SP100: variants seen among roughly 807,000 people sequenced by gnomAD.
SP100 encodes nuclear autoantigen Sp-100.
A neutral mutation model predicts 130.0 loss-of-function variants in SP100; 84 were observed. That is an observed-to-expected ratio of 0.65 (90% CI 0.54 to 0.77). The LOEUF is 0.77. Ranked by LOEUF, SP100 falls within the 30% of genes least tolerant of loss-of-function variation. The pLI is 0.00. For synonymous variants in SP100, 331 were observed against 351.7 expected (o/e 0.94, Z 0.66); for missense variants, 978 against 1,052.2 (o/e 0.93, Z 0.97).
At chr2:230,517,216 C>G (rs1182214524) in intron 24 of SP100, among the ~76,000 whole-genome samples, 1 of 151,632 alleles carries the variant, frequency 6.6e-6, no homozygotes, top group Non-Finnish European at 1.5e-5. Context: ...AAATTTTAGG[C>G]CAAAAAAACA....
At chr2:230,419,868 G>C (rs149195688) in intron 2 of SP100, among the ~76,000 whole-genome samples, 11 of 152,172 alleles carry the variant, frequency 7.2e-5, no homozygotes, top group Non-Finnish European at 1.5e-4. Flanking sequence ...ATGAATTTGC[G>C]TTGGTGACCC....
intron 7 of SP100, 112 bp from the exon 8 acceptor site, chr2:230,450,060 G>A (rs1171540583): frequency 2.7e-6 from 2 of 731,026 alleles, no homozygotes; most frequent in African/African-American, 3.5e-5. Flanking sequence ...TGCAGACAGG[G>A]GTATAAGTAG....
intron 2 of SP100, among the ~76,000 whole-genome samples, chr2:230,441,285 G>A (rs1024410267): frequency 2.0e-5 from 3 of 152,152 alleles, no homozygotes; most frequent in African/African-American, 7.2e-5. Flanking sequence ...ACACTGGAAT[G>A]GCTAAAACTA....
chr2:230,523,873 C>A (rs1378849032), intron 24 of SP100, among the ~76,000 whole-genome samples: 1 of 151,482 alleles, frequency 6.6e-6, no homozygotes, highest in Admixed American at 6.6e-5. Flanking sequence ...CATGCCATTG[C>A]ACTGTAGCCT....
chr2:230,442,873 T>C, intron 2 of SP100, 64 bp from the exon 3 acceptor site: 1 of 1,422,014 alleles, frequency 7.0e-7, no homozygotes, highest in Non-Finnish European at 9.8e-7. Flanking sequence ...TGTAAACTCT[T>C]ACAGCCTCCA....
intron 2 of SP100, among the ~76,000 whole-genome samples, chr2:230,422,039 T>C (rs2062782591): frequency 6.6e-6 from 1 of 152,082 alleles, no homozygotes; most frequent in African/African-American, 2.4e-5. Context: ...TTCTTGAAAA[T>C]CTTATATGTC....
chr2:230,437,283 T>A (rs1189784934), intron 2 of SP100, among the ~76,000 whole-genome samples: 2 of 152,166 alleles, frequency 1.3e-5, no homozygotes, highest in Non-Finnish European at 2.9e-5. Context: ...ACTATTTTTT[T>A]GTTTCATTCA....
chr2:230,493,456 A>G (rs947521275), intron 17 of SP100, among the ~76,000 whole-genome samples: 4 of 152,114 alleles, frequency 2.6e-5, no homozygotes, highest in Admixed American at 2.6e-4. Context: ...AGCTCAGGTG[A>G]TCCACCTGCC....
intron 8 of SP100, among the ~76,000 whole-genome samples, chr2:230,458,975 G>T (rs1415405891): frequency 6.6e-6 from 1 of 152,156 alleles, no homozygotes; most frequent in African/African-American, 2.4e-5. Context: ...GGTGAGGCAG[G>T]GAGGCCCCCA....
chr2:230,444,636 G>T (rs141033751), intron 4 of SP100, among the ~76,000 whole-genome samples: 1 of 152,192 alleles, frequency 6.6e-6, no homozygotes, highest in Non-Finnish European at 1.5e-5. Flanking sequence ...CAACAGGGCA[G>T]CTTCTTATCT....
chr2:230,416,796 C>G (rs1315316627), intron 1 of SP100: 1 of 985,680 alleles, frequency 1.0e-6, no homozygotes, highest in Non-Finnish European at 1.2e-6. Context: ...GGGCCTCTGC[C>G]GGCTGTTCCC....
Position 230,542,982 on chromosome 2 carries a change from C to A in SP100, c.*36C>A. On this transcript the variant is annotated 3_prime_UTR_variant, in exon 29 of 29. Transcript: ENST00000340126. Reference sequence around the variant, plus strand: ...CTCCTCCCTTCAGATCCTCTGGCAGCTAGCTACGCAATGTGCCTGTGGTCC... The same window carrying A: ...CTCCTCCCTTCAGATCCTCTGGCAGATAGCTACGCAATGTGCCTGTGGTCC... The A allele has an allele frequency of 8.3e-7, 1 of 1,207,236 alleles. No homozygotes were observed. The highest frequency in any genetic ancestry group is 1.2e-6 in the Non-Finnish European group (1 of 814,632). 74.8% of individuals were successfully genotyped at this position (1,207,236 alleles called of 1,614,324 possible). A position where few individuals can be genotyped will look rare whatever the true frequency, so the allele number is the denominator to read the frequency against.
At chr2:230,435,749 G>A (rs1184124160) in intron 2 of SP100, among the ~76,000 whole-genome samples, 3 of 151,758 alleles carry the variant, frequency 2.0e-5, no homozygotes, top group African/African-American at 7.3e-5. Context: ...ACCCAAGTGT[G>A]CATTGTTCCT....
intron 24 of SP100, chr2:230,516,080 A>G: frequency 6.1e-6 from 6 of 989,476 alleles, no homozygotes; most frequent in Non-Finnish European, 7.2e-6. Context: ...AAGTAAATAC[A>G]ATTTTTAAAA....
chr2:230,452,516 G>A (rs1490604801), intron 8 of SP100, among the ~76,000 whole-genome samples: 2 of 152,136 alleles, frequency 1.3e-5, no homozygotes, highest in African/African-American at 4.8e-5. Flanking sequence ...AATCTTTAGA[G>A]GACTTCGAGT....
rs1055985380 is a variant in SP100 at position 230,444,476 on chromosome 2, G to A, written c.439+130G>A. 1.6e-5 allele frequency: 11 copies of A among 705,222 alleles called. No individual in the cohort carries two copies. The African/African-American group carries it at 1.6e-4, about 11-fold the overall frequency. The allele number at this position is 705,222 out of a possible 1,614,324, so 43.7% of individuals were successfully genotyped here. On this transcript the variant is annotated intron_variant, in intron 4 of 28. Coordinates refer to ENST00000340126, the MANE Select transcript of SP100 (RefSeq NM_001080391.2). ...ATAGAGTAGTTAACAAAATAGACAT[G>A]CCATGAGTCTTCTCTTAGCTCATGG...
chr2:230,473,453 T>G lies in SP100; in HGVS notation c.1546+13T>G, dbSNP rs778492620. 24 of 1,533,486 alleles carry G rather than the reference T, an allele frequency of 1.6e-5. No homozygotes were observed. Among genetic ancestry groups the G allele is most frequent in the Non-Finnish European group, 2.2e-5 (24 of 1,106,924 alleles). The allele number at this position is 1,533,486 out of a possible 1,614,324, so 95.0% of individuals were successfully genotyped here. The stretch of plus-strand genomic sequence containing the variant: ...TCTGACATGATGGGTAAGGCTACCC[T>G]AGGGTCTTGGGATGGAAGTGGCTCA... On this transcript the variant is annotated intron_variant, in intron 16 of 28. Transcript: ENST00000340126.
chr2:230,459,128 T>C (rs1489614797), intron 8 of SP100, among the ~76,000 whole-genome samples: 1 of 151,894 alleles, frequency 6.6e-6, no homozygotes, highest in Non-Finnish European at 1.5e-5. Flanking sequence ...ATAAAAAGAC[T>C]ATGAATAGAA....
At chr2:230,541,425 T>A (rs1205477214) in intron 27 of SP100, 53 bp downstream of exon 27, 1 of 1,452,994 alleles carries the variant, frequency 6.9e-7, no homozygotes, top group Admixed American at 1.7e-5. Context: ...AAATCTGTGA[T>A]CTGAATCCCA....
Sources: gnomAD v4.1 joint callset for allele counts (sites outside exome capture counted in the v4.1 genomes callset) on GRCh38, gnomAD v4.1.1 for gene constraint, MANE v1.5 for transcripts, NCBI Gene and HGNC (gene_info 2026-07-23, HGNC 2026-07-21) for gene names.